The following RGS8 variants were observed in gnomAD, a reference collection of about 807,000 sequenced individuals.
RGS8 encodes the protein regulator of G-protein signaling 8.
RGS8 carries 8 observed loss-of-function variants against 21.7 expected under a neutral mutation model. The ratio of observed to expected loss-of-function variants is 0.37; its 90% confidence interval spans 0.22 to 0.66. The LOEUF is 0.66. Among genes scored for constraint, RGS8 ranks in the 30% least tolerant of loss-of-function variants. The pLI is 0.59. For missense variants in RGS8, 157 were observed against 217.9 expected, an observed-to-expected ratio of 0.72 and a Z score of 1.76; for synonymous variants, 80 against 83.6, an observed-to-expected ratio of 0.96 and a Z score of 0.24.
the RGS8 span, among the ~76,000 whole-genome samples, chr1:182,741,681 CA>C: frequency 8.6e-6 from 1 of 115,766 alleles, no homozygotes. Context: ...AGGGGCTCCT[CA>C]CTTCCCAGTA....
chr1:182,691,425 C>T, the RGS8 span, among the ~76,000 whole-genome samples: 1 of 151,968 alleles, frequency 6.6e-6, no homozygotes, highest in Non-Finnish European at 1.5e-5. Flanking sequence ...AATCCAGCAG[C>T]ATGTCAAAAA....
At chr1:182,674,541 G>T (rs942725769), upstream of RGS8, among the ~76,000 whole-genome samples, 1 of 152,100 alleles carries the variant, frequency 6.6e-6, no homozygotes, top group African/African-American at 2.4e-5. Flanking sequence ...AAGTACAGAC[G>T]TAGTGCAGGC....
chr1:182,687,797 T>C (rs992404837), upstream of RGS8, among the ~76,000 whole-genome samples: 1 of 152,182 alleles, frequency 6.6e-6, no homozygotes, highest in Non-Finnish European at 1.5e-5. Context: ...AGGGAGATGT[T>C]GTTGCCTGCA....
the RGS8 span, among the ~76,000 whole-genome samples, chr1:182,741,574 C>A: frequency 1.7e-5 from 2 of 115,248 alleles, no homozygotes; most frequent in East Asian, 2.9e-4. Flanking sequence ...TAGGGGCGGC[C>A]GGGCAGAGGC....
the RGS8 span, among the ~76,000 whole-genome samples, chr1:182,719,464 T>C: frequency 1.3e-5 from 2 of 149,868 alleles, no homozygotes; most frequent in East Asian, 3.9e-4. Flanking sequence ...CTTTCTTCTT[T>C]TTTTTTTTTT....
At chr1:182,700,205 G>T in the RGS8 span, among the ~76,000 whole-genome samples, 1 of 152,166 alleles carries the variant, frequency 6.6e-6, no homozygotes, top group Non-Finnish European at 1.5e-5. Context: ...GTCCTGCACG[G>T]TTATTGGCTG....
the RGS8 span, among the ~76,000 whole-genome samples, chr1:182,707,041 C>A: frequency 6.6e-6 from 1 of 151,972 alleles, no homozygotes; most frequent in South Asian, 2.1e-4. Context: ...TGCCTATAAT[C>A]CCAGCTACTC....
the RGS8 span, among the ~76,000 whole-genome samples, chr1:182,736,416 G>A: frequency 6.6e-6 from 1 of 152,104 alleles, no homozygotes; most frequent in African/African-American, 2.4e-5. Flanking sequence ...TAGGAATCAC[G>A]TGGGAAGCTT....
chr1:182,704,969 T>C, the RGS8 span, among the ~76,000 whole-genome samples: 2 of 152,190 alleles, frequency 1.3e-5, no homozygotes, highest in Non-Finnish European at 2.9e-5. Context: ...TGTGAAATCA[T>C]TTTCAGAGGT....
At chr1:182,749,616 A>G in the RGS8 span, among the ~76,000 whole-genome samples, 4 of 151,898 alleles carry the variant, frequency 2.6e-5, no homozygotes. Flanking sequence ...TTTTTTTTCT[A>G]TTTCTGTTAA....
chr1:182,676,963 G>C (rs1009450128), upstream of RGS8, among the ~76,000 whole-genome samples: 1 of 152,158 alleles, frequency 6.6e-6, no homozygotes, highest in Non-Finnish European at 1.5e-5. Flanking sequence ...GTCTATGGGG[G>C]AAATGCCCTG....
At chr1:182,750,295 C>T in the RGS8 span, among the ~76,000 whole-genome samples, 1 of 152,142 alleles carries the variant, frequency 6.6e-6, no homozygotes, top group Admixed American at 6.5e-5. Context: ...TTCCCATGTC[C>T]ACATTTTTTA....
At chr1:182,642,351 G>A (rs949304917), downstream of RGS8, 8 of 152,392 alleles carry the variant, frequency 5.2e-5, no homozygotes, top group African/African-American at 1.9e-4. Flanking sequence ...CTGACACTTG[G>A]AAGAGTGAAG....
intron 5 of RGS8, among the ~76,000 whole-genome samples, chr1:182,655,280 A>G (rs6656140): frequency 0.76 from 115,054 of 152,184 alleles, 43,568 homozygotes; most frequent in Non-Finnish European, 0.78. Context: ...CTGAAGTGGA[A>G]GGAGAGGACT....
intron 5 of RGS8, among the ~76,000 whole-genome samples, chr1:182,657,574 A>T (rs748673147): frequency 4.6e-5 from 7 of 151,448 alleles, no homozygotes; most frequent in Non-Finnish European, 8.8e-5. Flanking sequence ...GATCTCAGGC[A>T]GTTGGAAAGA....
chr1:182,741,884 C>G, the RGS8 span, among the ~76,000 whole-genome samples: 418 of 139,460 alleles, frequency 3.0e-3, 5 homozygotes, highest in Admixed American at 4.9e-3. Context: ...GGGGGGCTGA[C>G]CCCCCCACCT....
upstream of RGS8, among the ~76,000 whole-genome samples, chr1:182,675,993 C>T (rs1175474312): frequency 2.0e-5 from 3 of 152,034 alleles, no homozygotes; most frequent in Admixed American, 6.6e-5. Flanking sequence ...GAAAAATCGC[C>T]GAGGATTCTT....
the RGS8 span, among the ~76,000 whole-genome samples, chr1:182,698,191 G>C: frequency 6.6e-6 from 1 of 152,222 alleles, no homozygotes; most frequent in African/African-American, 2.4e-5. Context: ...GGAGAAGAAA[G>C]AAGCCAAAGC....
the RGS8 span, among the ~76,000 whole-genome samples, chr1:182,732,578 G>A: frequency 2.0e-5 from 3 of 152,204 alleles, no homozygotes; most frequent in Non-Finnish European, 4.4e-5. Context: ...TGTCTCAGGA[G>A]AGGATATGGC....
Sources: gnomAD v4.1 joint callset for allele counts (sites outside exome capture counted in the v4.1 genomes callset) on GRCh38, gnomAD v4.1.1 for gene constraint, MANE v1.5 for transcripts, NCBI Gene and HGNC (gene_info 2026-07-23, HGNC 2026-07-21) for gene names.